Variants in CLK2 observed in about 807,000 individuals in gnomAD.
CLK2 encodes the protein CDC like kinase 2.
Under a neutral mutation model 73.5 loss-of-function variants are expected in CLK2, and 12 were observed. The observed-to-expected ratio is 0.16, with a 90% CI of 0.10 to 0.26. CLK2 has a LOEUF of 0.26. CLK2 is among the 10% of genes least tolerant of loss of function. The probability of loss-of-function intolerance (pLI) is 1.00; values close to 1 mark genes in which losing one functional copy is unlikely to be tolerated. For missense variants in CLK2, 509 were observed against 688.4 expected (o/e 0.74, Z 2.92); for synonymous variants, 232 against 237.9 (o/e 0.98, Z 0.23).
chr1:155,269,071 A>G, intron 3 of CLK2: 1 of 586,692 alleles, frequency 1.7e-6, no homozygotes. Flanking sequence ...TGTCACCCAC[A>G]ACCCCATGCT....
chr1:155,264,886 C>G, intron 8 of CLK2, 112 bp from the exon 9 acceptor site: 1 of 1,322,896 alleles, frequency 7.6e-7, no homozygotes, highest in South Asian at 1.3e-5. Flanking sequence ...CCTGCCTGGC[C>G]TTACAAGCCC....
intron 2 of CLK2, among the ~76,000 whole-genome samples, chr1:155,270,184 C>G (rs1210642429): frequency 4.0e-5 from 6 of 148,512 alleles, no homozygotes; most frequent in Non-Finnish European, 7.4e-5. Context: ...ATGGTGAAAT[C>G]CTGTCTCTAC....
rs1673043991 is a variant in CLK2, at chr1:155,263,019, TA to T, written c.*198del. ...GAGGGTGGAAACTGTGTGGATGGAATAGTATTATGTACAAGGCAGGGGTTGA... is the reference window on the plus strand; with the variant it reads ...GAGGGTGGAAACTGTGTGGATGGAATGTATTATGTACAAGGCAGGGGTTGA... On this transcript the variant is annotated 3_prime_UTR_variant, in exon 13 of 13. Transcript: ENST00000368361. 1.8e-6 allele frequency: 1 copy of T among 561,956 alleles called. No homozygotes were observed. Among genetic ancestry groups the T allele is most frequent in the Non-Finnish European group, 3.0e-6 (1 of 328,880 alleles). The allele number at this position is 561,956 out of a possible 1,614,324, so 34.8% of individuals were successfully genotyped here. A position where few individuals can be genotyped will look rare whatever the true frequency, so the allele number is the denominator to read the frequency against.
intron 7 of CLK2, among the ~76,000 whole-genome samples, 167 bp from the exon 8 acceptor site, chr1:155,266,121 C>CA (rs1673220837): frequency 3.3e-5 from 5 of 151,958 alleles, no homozygotes; most frequent in African/African-American, 1.2e-4. Flanking sequence ...GTCTAAGAAG[C>CA]TCTGCTCTTT....
Position 155,270,994 on chromosome 1 carries a change from A to G in CLK2, c.1-17T>C. On this transcript the variant is annotated splice_polypyrimidine_tract_variant and intron_variant, in intron 1 of 12. Coordinates refer to ENST00000368361, the MANE Select transcript of CLK2 (RefSeq NM_001294338.2). ...ATGCGGCATCTGGAAGGCAAGGGAA[A>G]GCGGAAATAGGAAAGTTTCGAGTTT... is the stretch of plus-strand genomic sequence containing the variant. 2 of 1,599,996 alleles carry G rather than the reference A, an allele frequency of 1.3e-6. No individual in the cohort carries two copies. Among genetic ancestry groups the G allele is most frequent in the Non-Finnish European group, 1.7e-6 (2 of 1,168,068 alleles).
At chr1:155,271,055 A>G (rs532924324) in intron 1 of CLK2, 78 bp from the exon 2 acceptor site, 331 of 1,427,956 alleles carry the variant, frequency 2.3e-4, no homozygotes, top group Non-Finnish European at 3.0e-4. Context: ...TGCTCCAAAG[A>G]TGCTAAGCTG....
Position 155,262,945 on chromosome 1 carries a change from C to G in CLK2, c.*273G>C. The G allele has an allele frequency of 2.6e-6, 1 of 385,758 alleles. No individual in the cohort carries two copies. Among genetic ancestry groups the G allele is most frequent in the East Asian group, 3.9e-5 (1 of 25,658 alleles). The allele number at this position is 385,758 out of a possible 1,614,324, so 23.9% of individuals were successfully genotyped here. ...CTTATAAAACATGGGGTAGATGCCA[C>G]CTGGTTACCTCACTCGGCCCCCATC... On this transcript the variant is annotated 3_prime_UTR_variant, in exon 13 of 13. Coordinates refer to ENST00000368361, the MANE Select transcript of CLK2 (RefSeq NM_001294338.2).
intron 3 of CLK2, 159 bp downstream of exon 3, chr1:155,269,329 T>C (rs1418652633): frequency 7.6e-6 from 5 of 660,680 alleles, no homozygotes; most frequent in African/African-American, 1.8e-5. Flanking sequence ...CCAGGGCCCT[T>C]CAAGAGTCGG....
chr1:155,272,076 G>C (rs1204686506), intron 1 of CLK2, among the ~76,000 whole-genome samples: 1 of 151,110 alleles, frequency 6.6e-6, no homozygotes, highest in Non-Finnish European at 1.5e-5. Context: ...GAGTGCAATG[G>C]CGCAATCTCG....
At chr1:155,266,035 T>C in intron 7 of CLK2, 81 bp from the exon 8 acceptor site, 1 of 912,994 alleles carries the variant, frequency 1.1e-6, no homozygotes, top group East Asian at 2.4e-5. Context: ...CCTGGTTACC[T>C]AGGGCAAAGC....
At chr1:155,265,467 T>C (rs1354078257) in intron 8 of CLK2, among the ~76,000 whole-genome samples, 3 of 151,990 alleles carry the variant, frequency 2.0e-5, no homozygotes, top group Admixed American at 1.3e-4. Flanking sequence ...CTCCAGAGGC[T>C]GAGGCAGGAG....
Position 155,268,689 on chromosome 1 carries a change from G to T in CLK2, c.487+19C>A. On this transcript the variant is annotated intron_variant, in intron 4 of 12. Coordinates refer to ENST00000368361, the MANE Select transcript of CLK2 (RefSeq NM_001294338.2). This position sits in a 1 kb window ranked among gnomAD's most constrained non-coding sequence, Gnocchi z 5.6. The stretch of plus-strand genomic sequence containing the variant: ...TGGGACCATTACAGGCTATAGGATT[G>T]TTACGATTTGGCTTGTACATCGCTC... 6.2e-7 allele frequency: 1 copy of T among 1,610,080 alleles called. No homozygotes were observed. Among genetic ancestry groups the T allele is most frequent in the Non-Finnish European group, 8.5e-7 (1 of 1,176,344 alleles).
chr1:155,268,858 GGGT>G lies in CLK2; in HGVS notation c.400-66_400-64del. On this transcript the variant is annotated intron_variant, in intron 3 of 12. Coordinates refer to ENST00000368361, the MANE Select transcript of CLK2 (RefSeq NM_001294338.2). The surrounding 1 kb of genome is among the most constrained non-coding windows in gnomAD (Gnocchi z 5.6). ...TCGGAGCGGGGGCCGGAGGGAGGCG[GGGT>G]GGGTGGTAGAGGGGTCACCGGTCAC... The G allele has an allele frequency of 1.0e-6, 1 of 995,836 alleles. No homozygotes were observed. The highest frequency in any genetic ancestry group is 1.3e-5 in the South Asian group (1 of 77,262). The allele number at this position is 995,836 out of a possible 1,614,324, so 61.7% of individuals were successfully genotyped here.
chr1:155,270,906 G>A lies in CLK2; in HGVS notation c.72C>T (p.Ser24=), dbSNP rs765032461. 3.1e-6 allele frequency: 5 copies of A among 1,614,046 alleles called. No homozygotes were observed. Among genetic ancestry groups the A allele is most frequent in the Non-Finnish European group, 4.2e-6 (5 of 1,180,040 alleles). The part of the protein sequence containing the change: ...SRGSYREHYR[S]RKHKRRRSRS... ...GACTTCTTCGTCGCTTATGCTTTCGGCTCCGATAGTGTTCACGGTAACTCC... is the reference window on the plus strand; with the variant it reads ...GACTTCTTCGTCGCTTATGCTTTCGACTCCGATAGTGTTCACGGTAACTCC... The change falls in exon 2 of 13, where the codon AGC becomes AGT. Residue 24 remains serine, a synonymous_variant. Transcript: ENST00000368361.
In CLK2 at chr1:155,268,566, C is replaced by A; in HGVS notation, c.487+142G>T. 1 of 856,542 alleles carries A rather than the reference C, an allele frequency of 1.2e-6. No homozygotes were observed. The highest frequency in any genetic ancestry group is 1.5e-5 in the South Asian group (1 of 67,958). 53.1% of individuals were successfully genotyped at this position (856,542 alleles called of 1,614,324 possible). A position where few individuals can be genotyped will look rare whatever the true frequency, so the allele number is the denominator to read the frequency against. On this transcript the variant is annotated intron_variant, in intron 4 of 12. Coordinates refer to ENST00000368361, the MANE Select transcript of CLK2 (RefSeq NM_001294338.2). The surrounding 1 kb of genome is among the most constrained non-coding windows in gnomAD (Gnocchi z 5.6). ...AGAGCTGGGAGTGGACAACAGAGGTCAATTCTCAACAGCAACTCAAACCAC... is the reference window on the plus strand; with the variant it reads ...AGAGCTGGGAGTGGACAACAGAGGTAAATTCTCAACAGCAACTCAAACCAC...
intron 3 of CLK2, 197 bp downstream of exon 3, chr1:155,269,291 T>C: frequency 1.6e-6 from 1 of 611,528 alleles, no homozygotes. Context: ...TCACAAATGC[T>C]CCGTGCCCAT....
Position 155,264,800 on chromosome 1 carries a change from A to G in CLK2, c.934-26T>C, listed in dbSNP as rs554549747. 1.1e-5 allele frequency: 17 copies of G among 1,612,466 alleles called. No homozygotes were observed. The East Asian group carries it at 2.0e-4, about 19-fold the overall frequency. ...CTAGGAGCAGAGGAGAAAGAGGATG[A>G]ACCTCTGCACCCAGACTGAGATTCC... On this transcript the variant is annotated intron_variant, in intron 8 of 12. Transcript: ENST00000368361.
rs1673043333 is a variant in CLK2, at chr1:155,263,011, G to C, written c.*207C>G. ...GGGCAGGTGAGGGTGGAAACTGTGT[G>C]GATGGAATAGTATTATGTACAAGGC... On this transcript the variant is annotated 3_prime_UTR_variant, in exon 13 of 13. Transcript: ENST00000368361. 1 of 514,366 alleles carries C rather than the reference G, an allele frequency of 1.9e-6. No individual in the cohort carries two copies. The highest frequency in any genetic ancestry group is 1.9e-5 in the African/African-American group (1 of 51,862). 31.9% of individuals were successfully genotyped at this position (514,366 alleles called of 1,614,324 possible). A position where few individuals can be genotyped will look rare whatever the true frequency, so the allele number is the denominator to read the frequency against.
rs765282300 is a variant in CLK2 at position 155,264,507 on chromosome 1, G to A, written c.1107C>T (p.Cys369=). ...ATCCCACATAGTATTCAAAGATGAT[G>A]CAGCCTATACTCCACACATCACAAG... The part of the protein sequence containing the change: ...SQPCDVWSIG[C]IIFEYYVGFT... Residue 369 remains cysteine (C), a synonymous_variant, in exon 10 of 13, where the codon TGC becomes TGT. Transcript: ENST00000368361. The A allele has an allele frequency of 2.5e-6, 4 of 1,614,208 alleles. No individual in the cohort carries two copies. The highest frequency in any genetic ancestry group is 3.4e-6 in the Non-Finnish European group (4 of 1,180,044).
Sources: allele counts gnomAD v4.1 joint callset (sites outside exome capture counted in the v4.1 genomes callset), GRCh38; gene constraint gnomAD v4.1.1; non-coding constraint Gnocchi (gnomAD v3.1); transcripts MANE v1.5; gene names NCBI Gene and HGNC (gene_info 2026-07-23, HGNC 2026-07-21).